Variants in RSRC1 observed in about 807,000 individuals in gnomAD.
RSRC1 encodes arginine and serine rich coiled-coil 1.
RSRC1 carries 39 observed loss-of-function variants against 49.1 expected under a neutral mutation model. The observed-to-expected ratio is 0.79, with a 90% CI of 0.61 to 1.04. The LOEUF (loss-of-function observed/expected upper bound fraction) is 1.04. Among genes scored for constraint, RSRC1 ranks in the 50% least tolerant of loss-of-function variants. RSRC1 has a pLI of 0.00. For missense variants in RSRC1, 388 were observed against 402.4 expected (o/e 0.96, Z 0.31); for synonymous variants, 143 against 130.8 (o/e 1.09, Z -0.63).
chr3:158,540,365 A>G (rs1286114092), intron 8 of RSRC1, among the ~76,000 whole-genome samples: 7 of 152,198 alleles, frequency 4.6e-5, no homozygotes, highest in Admixed American at 4.6e-4. Flanking sequence ...CATCATTGTT[A>G]GATTTAGTAG....
chr3:158,324,944 T>A (rs1484117699), intron 5 of RSRC1, among the ~76,000 whole-genome samples: 1 of 152,226 alleles, frequency 6.6e-6, no homozygotes, highest in Admixed American at 6.5e-5. Context: ...TGAGATGGTA[T>A]CTCATTGTGG....
chr3:158,461,997 G>GAAAAAAAAA (rs3086337), intron 7 of RSRC1, among the ~76,000 whole-genome samples: 1 of 119,142 alleles, frequency 8.4e-6, no homozygotes, highest in Non-Finnish European at 1.8e-5. Context: ...AAAACCAAGC[G>GAAAAAAAAA]AAAAAAAAAA....
In RSRC1 at chr3:158,128,389, A is replaced by G. The variant is rs527598281; in HGVS notation, c.320+4398A>G. Among the ~76,000 whole-genome samples, 7 of 152,268 alleles carry G rather than the reference A, an allele frequency of 4.6e-5. No individual in the cohort carries two copies. The East Asian group carries it at 1.2e-3, about 25-fold the overall frequency. On this transcript the variant is annotated intron_variant, in intron 3 of 9. Transcript: ENST00000611884. ...CTTCTTAACTGTTTTTTGAAGTTCC[A>G]TATAGGTATTTTGGTTTGTATATTG...
rs1039560257 is a variant in RSRC1 at position 158,507,668 on chromosome 3, A to G, written c.653-29424A>G. On this transcript the variant is annotated intron_variant, in intron 7 of 9. Transcript: ENST00000611884. The stretch of plus-strand genomic sequence containing the variant: ...TAAAATGTGACAATTCTTGTTTTAT[A>G]TAACAGGATTAGGATTATTCTCTAT... Among the ~76,000 whole-genome samples the G allele has an allele frequency of 1.6e-4, 25 of 152,198 alleles. 1 individual carries two copies. The highest frequency in any genetic ancestry group is 3.7e-4 in the Non-Finnish European group (25 of 68,028).
chr3:158,428,348 A>G (rs144910487), intron 6 of RSRC1, among the ~76,000 whole-genome samples: 84 of 151,972 alleles, frequency 5.5e-4, no homozygotes, highest in Non-Finnish European at 1.6e-4. Flanking sequence ...TTGTTAATCT[A>G]TTAAAGGGAT....
At chr3:158,345,720 A>G (rs1730513230) in intron 5 of RSRC1, among the ~76,000 whole-genome samples, 1 of 151,568 alleles carries the variant, frequency 6.6e-6, no homozygotes, top group South Asian at 2.1e-4. Flanking sequence ...TGACAAATAG[A>G]TCAATGGATC....
intron 6 of RSRC1, among the ~76,000 whole-genome samples, chr3:158,420,159 TCA>T (rs1209568560): frequency 9.2e-5 from 14 of 151,976 alleles, no homozygotes; most frequent in Non-Finnish European, 2.1e-4. Context: ...GCACACTTAG[TCA>T]CAAATTACCT....
At chr3:158,516,664 C>T (rs190852155) in intron 7 of RSRC1, among the ~76,000 whole-genome samples, 1,807 of 152,338 alleles carry the variant, frequency 0.012, 43 homozygotes, top group African/African-American at 0.041. Context: ...CCTAAGCAAG[C>T]CTGGGCAATG....
At chr3:158,264,900 A>G (rs1195274050) in intron 4 of RSRC1, among the ~76,000 whole-genome samples, 1 of 152,226 alleles carries the variant, frequency 6.6e-6, no homozygotes, top group Non-Finnish European at 1.5e-5. Context: ...ACCAGGCAGT[A>G]ATCTCCAATT....
chr3:158,263,410 G>C (rs930254712), intron 4 of RSRC1, among the ~76,000 whole-genome samples: 2 of 151,952 alleles, frequency 1.3e-5, no homozygotes, highest in Admixed American at 1.3e-4. Context: ...TTTATATATT[G>C]TTGCATTTGC....
intron 5 of RSRC1, among the ~76,000 whole-genome samples, chr3:158,317,859 C>A (rs1437530934): frequency 6.6e-6 from 1 of 152,118 alleles, no homozygotes; most frequent in Non-Finnish European, 1.5e-5. Context: ...CGTGCCTGGC[C>A]TAAAAAACAT....
At chr3:158,294,004 C>A (rs932610045) in intron 4 of RSRC1, among the ~76,000 whole-genome samples, 10 of 152,158 alleles carry the variant, frequency 6.6e-5, no homozygotes, top group African/African-American at 1.9e-4. Flanking sequence ...TGCTTTGCTG[C>A]AGATTTTTAA....
At chr3:158,183,342 A>C (rs1024511476) in intron 3 of RSRC1, among the ~76,000 whole-genome samples, 2 of 152,092 alleles carry the variant, frequency 1.3e-5, no homozygotes, top group Non-Finnish European at 2.9e-5. Flanking sequence ...TTTTTTTAAA[A>C]TAACCTCTTT....
chr3:158,118,462 T>TGTGTGTGTGTGTGTGTGTGTGTGTGTGC (rs1491469875), intron 1 of RSRC1, among the ~76,000 whole-genome samples: 6 of 124,716 alleles, frequency 4.8e-5, no homozygotes, highest in East Asian at 2.6e-4. Context: ...TGTGTGTGTG[T>TGTGTGTGTGTGTGTGTGTGTGTGTGTGC]GCGCGTGCGC....
At chr3:158,481,690 T>C (rs1738619846) in intron 7 of RSRC1, among the ~76,000 whole-genome samples, 1 of 152,086 alleles carries the variant, frequency 6.6e-6, no homozygotes, top group Admixed American at 6.6e-5. Flanking sequence ...AAGAAAGTAA[T>C]TTAAAAACCT....
chr3:158,412,493 T>TA (rs776931091), intron 6 of RSRC1, among the ~76,000 whole-genome samples: 12 of 152,162 alleles, frequency 7.9e-5, no homozygotes, highest in Non-Finnish European at 1.5e-4. Context: ...TAGACTTATA[T>TA]ATTTTCTATA....
At chr3:158,526,447 A>G (rs1712030989) in intron 7 of RSRC1, among the ~76,000 whole-genome samples, 1 of 152,014 alleles carries the variant, frequency 6.6e-6, no homozygotes, top group Admixed American at 6.6e-5. Flanking sequence ...CAAGTGAAAC[A>G]TGCTAAGGCA....
At chr3:158,202,939 G>C in intron 3 of RSRC1, 133 bp from the exon 4 acceptor site, 1 of 575,504 alleles carries the variant, frequency 1.7e-6, no homozygotes, top group East Asian at 3.1e-5. Context: ...TCAGGTGCTT[G>C]CTTCACGTGG....
In RSRC1 at chr3:158,203,064, T is replaced by A. The variant is rs1721153648; in HGVS notation, c.321-8T>A. Reference sequence around the variant, plus strand: ...CTAAGTTTATTTAACAAAATCTGCTTACTGTAGGTCCAGGTCAAGACCTCG... The same window carrying A: ...CTAAGTTTATTTAACAAAATCTGCTAACTGTAGGTCCAGGTCAAGACCTCG... On this transcript the variant is annotated splice_polypyrimidine_tract_variant and splice_region_variant and intron_variant, in intron 3 of 9. Transcript: ENST00000611884. 6.2e-7 allele frequency: 1 copy of A among 1,603,918 alleles called. No individual in the cohort carries two copies. Among genetic ancestry groups the A allele is most frequent in the Non-Finnish European group, 8.5e-7 (1 of 1,173,618 alleles).
Sources: allele counts gnomAD v4.1 joint callset (sites outside exome capture counted in the v4.1 genomes callset), GRCh38; gene constraint gnomAD v4.1.1; transcripts MANE v1.5; gene names NCBI Gene and HGNC (gene_info 2026-07-23, HGNC 2026-07-21).